The following TGFBR2 variants were observed in gnomAD, a reference collection of about 807,000 sequenced individuals.
TGFBR2 encodes the protein TGF-beta receptor type-2.
In TGFBR2, 18 loss-of-function variants were observed where a neutral mutation model predicts 49.0. The ratio of observed to expected loss-of-function variants is 0.37; its 90% CI spans 0.25 to 0.54. TGFBR2 has a LOEUF of 0.54. Ranked by LOEUF, TGFBR2 falls within the 20% of genes least tolerant of loss-of-function variation. TGFBR2 has a pLI of 0.85. For missense variants in TGFBR2, 525 were observed against 722.6 expected (o/e 0.73, Z 3.13); for synonymous variants, 282 against 275.9 (o/e 1.02, Z -0.22).
chr3:30,632,724 T>C (rs1055760356), intron 1 of TGFBR2, among the ~76,000 whole-genome samples: 1 of 152,192 alleles, frequency 6.6e-6, no homozygotes, highest in African/African-American at 2.4e-5. Flanking sequence ...CATTTTTTAC[T>C]GTCTAGAGGA....
rs553471499 is a variant in TGFBR2 at position 30,669,731 on chromosome 3, A to G, written c.455-1907A>G. Among the ~76,000 whole-genome samples the G allele has an allele frequency of 1.1e-4, 17 of 152,316 alleles. No homozygotes were observed. The East Asian group carries it at 3.3e-3, about 29-fold the overall frequency. On this transcript the variant is annotated intron_variant, in intron 3 of 6. Transcript: ENST00000295754. ...GAACATGTCCTTAGTTCCTGCTGGC[A>G]TTCACCCGTGCAAGCTCCCAGCTTG... is the stretch of plus-strand genomic sequence containing the variant.
At chr3:30,620,500 T>G (rs1423193038) in intron 1 of TGFBR2, among the ~76,000 whole-genome samples, 2 of 152,098 alleles carry the variant, frequency 1.3e-5, no homozygotes, top group Non-Finnish European at 2.9e-5. Context: ...ATCTGCTTTG[T>G]GTAAATTGTT....
chr3:30,681,135 T>C (rs1323919699), intron 5 of TGFBR2, among the ~76,000 whole-genome samples: 1 of 128,152 alleles, frequency 7.8e-6, no homozygotes, highest in Non-Finnish European at 1.6e-5. Flanking sequence ...TAGTGTATTG[T>C]CAAGTTGCTG....
At chr3:30,650,606 C>A in intron 3 of TGFBR2, 146 bp downstream of exon 3, 1 of 855,316 alleles carries the variant, frequency 1.2e-6, no homozygotes, top group Non-Finnish European at 1.9e-6. Flanking sequence ...GAAAGAGGGG[C>A]TTGGGGAGTA....
chr3:30,690,298 T>C (rs576051527), intron 6 of TGFBR2, among the ~76,000 whole-genome samples: 1 of 152,358 alleles, frequency 6.6e-6, no homozygotes, highest in African/African-American at 2.4e-5. Context: ...AACAAAAATA[T>C]TTGCAATGCA....
At chr3:30,655,097 G>T (rs955950823) in intron 3 of TGFBR2, among the ~76,000 whole-genome samples, 8 of 152,184 alleles carry the variant, frequency 5.3e-5, no homozygotes, top group African/African-American at 1.9e-4. Context: ...AATACAAAGC[G>T]GGTGGGAGGT....
At position 30,607,803 on chromosome 3, in the gene TGFBR2, T is replaced by A. The variant is rs867840457; in HGVS notation, c.94+826T>A. On this transcript the variant is annotated intron_variant, in intron 1 of 6. Transcript: ENST00000295754. The stretch of plus-strand genomic sequence containing the variant: ...AGGAAAAAATAAAAATAAAAAAATA[T>A]ATATATATATTATATATATATAAAT... 5.3e-4 allele frequency among the ~76,000 whole-genome samples: 73 copies of A among 138,392 alleles called. 2 individuals are homozygous for A. The South Asian group carries it at 6.9e-3, about 13-fold the overall frequency. 90.8% of individuals were successfully genotyped at this position (138,392 alleles called of 152,430 possible).
At chr3:30,608,064 G>T (rs57469500) in intron 1 of TGFBR2, among the ~76,000 whole-genome samples, 3,839 of 151,202 alleles carry the variant, frequency 0.025, 183 homozygotes, top group African/African-American at 0.089. Flanking sequence ...TTAGCCTCCC[G>T]AGTAGCTGGG....
At chr3:30,688,340 C>T (rs779344162) in intron 5 of TGFBR2, 44 bp from the exon 6 acceptor site, 8 of 1,613,756 alleles carry the variant, frequency 5.0e-6, no homozygotes, top group African/African-American at 1.3e-5. Flanking sequence ...TTTGGCTGCA[C>T]ATGCCATTCT....
intron 2 of TGFBR2, 29 bp downstream of exon 2, chr3:30,644,944 T>G: frequency 6.2e-7 from 1 of 1,601,382 alleles, no homozygotes; most frequent in East Asian, 2.2e-5. Flanking sequence ...AAGTTATTCT[T>G]TCTTTTCCCC....
At chr3:30,682,072 C>T (rs1054125059) in intron 5 of TGFBR2, among the ~76,000 whole-genome samples, 3 of 152,132 alleles carry the variant, frequency 2.0e-5, no homozygotes, top group African/African-American at 7.2e-5. Flanking sequence ...AGGGCTGCTC[C>T]AGGCCGAGCT....
chr3:30,688,009 G>A lies in TGFBR2; in HGVS notation c.1397-375G>A, dbSNP rs192513013. Among the ~76,000 whole-genome samples, 195 of 152,180 alleles carry A rather than the reference G, an allele frequency of 1.3e-3. 2 individuals are homozygous for A. The highest frequency in any genetic ancestry group is 4.5e-3 in the African/African-American group (186 of 41,512). ...GGCCTTTGGAGGCTCACAAACCATT[G>A]TAATACATAAGATTTTTCCACTTCC... is the stretch of plus-strand genomic sequence containing the variant. On this transcript the variant is annotated intron_variant, in intron 5 of 6. Transcript: ENST00000295754.
chr3:30,619,296 T>C (rs1698187054), intron 1 of TGFBR2, among the ~76,000 whole-genome samples: 1 of 152,230 alleles, frequency 6.6e-6, no homozygotes, highest in South Asian at 2.1e-4. Context: ...AATTGGTCTC[T>C]GCTTATGGAC....
chr3:30,646,151 T>C (rs1344925494), intron 2 of TGFBR2, among the ~76,000 whole-genome samples: 1 of 152,212 alleles, frequency 6.6e-6, no homozygotes, highest in Non-Finnish European at 1.5e-5. Context: ...ATGAGTCATT[T>C]GAGACCCCTA....
At chr3:30,668,129 C>T (rs1699274147) in intron 3 of TGFBR2, among the ~76,000 whole-genome samples, 1 of 152,102 alleles carries the variant, frequency 6.6e-6, no homozygotes, top group South Asian at 2.1e-4. Flanking sequence ...TTTGTCAAAC[C>T]TTGCTGTAAA....
intron 3 of TGFBR2, among the ~76,000 whole-genome samples, chr3:30,650,872 G>C (rs1426494204): frequency 6.6e-6 from 1 of 152,112 alleles, no homozygotes; most frequent in Non-Finnish European, 1.5e-5. Context: ...CTAAAATTTG[G>C]TAACTATTGT....
At chr3:30,674,887 T>C (rs751349236) in intron 5 of TGFBR2, among the ~76,000 whole-genome samples, 10 of 152,106 alleles carry the variant, frequency 6.6e-5, no homozygotes, top group Non-Finnish European at 1.3e-4. Flanking sequence ...TTTTTTTCTT[T>C]TAGGATCATT....
chr3:30,675,531 C>T lies in TGFBR2; in HGVS notation c.1396+1285C>T, dbSNP rs1699421886. On this transcript the variant is annotated intron_variant, in intron 5 of 6. Transcript: ENST00000295754. ...CCTCTTGAGTAGCTGAGATTACAGA[C>T]ATGCACCACCACGCTCAGCTAATAT... is the stretch of plus-strand genomic sequence containing the variant. Among the ~76,000 whole-genome samples, 3 of 152,036 alleles carry T rather than the reference C, an allele frequency of 2.0e-5. No homozygotes were observed. The South Asian group carries it at 6.2e-4, about 31-fold the overall frequency.
chr3:30,625,414 T>C (rs1208530434), intron 1 of TGFBR2, among the ~76,000 whole-genome samples: 1 of 152,200 alleles, frequency 6.6e-6, no homozygotes, highest in Non-Finnish European at 1.5e-5. Flanking sequence ...AAGGGAGATA[T>C]GCTTTCTCAC....
Sources: allele counts gnomAD v4.1 joint callset (sites outside exome capture counted in the v4.1 genomes callset), GRCh38; gene constraint gnomAD v4.1.1; transcripts MANE v1.5; gene names NCBI Gene and HGNC (gene_info 2026-07-23, HGNC 2026-07-21).